CRTC1: variants seen among roughly 807,000 people sequenced by gnomAD.
CRTC1 encodes CREB-regulated transcription coactivator 1.
Under a neutral mutation model 66.1 loss-of-function variants are expected in CRTC1, and 18 were observed. That is an observed-to-expected ratio of 0.27 (90% CI 0.19 to 0.40). The LOEUF is 0.40. Among genes scored for constraint, CRTC1 ranks in the 10% least tolerant of loss-of-function variants. The pLI, the probability that CRTC1 is intolerant of heterozygous loss-of-function variation, is 1.00. For synonymous variants in CRTC1, 416 were observed against 398.8 expected, an observed-to-expected ratio of 1.04 and a Z score of -0.51; for missense variants, 669 against 887.9, an observed-to-expected ratio of 0.75 and a Z score of 3.13.
chr19:18,716,372 C>T (rs1043537912), intron 1 of CRTC1, among the ~76,000 whole-genome samples: 9 of 152,174 alleles, frequency 5.9e-5, no homozygotes, highest in Non-Finnish European at 8.8e-5. Context: ...CTGCCTCAGC[C>T]TCCCAAGTAG....
At chr19:18,716,371 C>G (rs573276907) in intron 1 of CRTC1, among the ~76,000 whole-genome samples, 12 of 152,238 alleles carry the variant, frequency 7.9e-5, no homozygotes, top group African/African-American at 2.9e-4. Context: ...TCTGCCTCAG[C>G]CTCCCAAGTA....
intron 9 of CRTC1, among the ~76,000 whole-genome samples, chr19:18,767,221 C>T (rs1323984998): frequency 6.6e-6 from 1 of 151,022 alleles, no homozygotes; most frequent in Non-Finnish European, 1.5e-5. Flanking sequence ...TTTTTTGAGA[C>T]AGAGTCTCAC....
At position 18,779,441 on chromosome 19, in the gene CRTC1, G is replaced by A; in HGVS notation, c.*2059G>A. 1 of 224,786 alleles carries A rather than the reference G, an allele frequency of 4.4e-6. No homozygotes were observed. Among genetic ancestry groups the A allele is most frequent in the Non-Finnish European group, 8.9e-6 (1 of 112,826 alleles). 13.9% of individuals were successfully genotyped at this position (224,786 alleles called of 1,614,324 possible). A position where few individuals can be genotyped will look rare whatever the true frequency, so the allele number is the denominator to read the frequency against. The stretch of plus-strand genomic sequence containing the variant: ...TTTCTCTTACCATGACAGAGGCTGG[G>A]GGCAGACAGCGGGGACTTTTTTTTT... On this transcript the variant is annotated 3_prime_UTR_variant, in exon 14 of 14. Coordinates refer to ENST00000321949, the MANE Select transcript of CRTC1 (RefSeq NM_015321.3).
chr19:18,743,556 G>T (rs1210189353), intron 2 of CRTC1, among the ~76,000 whole-genome samples: 1 of 152,216 alleles, frequency 6.6e-6, no homozygotes, highest in Non-Finnish European at 1.5e-5. Flanking sequence ...GATGGGGTGG[G>T]GCCGAGGGAG....
intron 7 of CRTC1, 104 bp from the exon 8 acceptor site, chr19:18,759,904 G>T: frequency 1.1e-6 from 1 of 878,944 alleles, no homozygotes; most frequent in Non-Finnish European, 1.8e-6. Context: ...ACCTGATGGG[G>T]GGTGGCCTTT....
chr19:18,697,492 T>C (rs953873915), intron 1 of CRTC1, among the ~76,000 whole-genome samples: 1 of 152,186 alleles, frequency 6.6e-6, no homozygotes, highest in African/African-American at 2.4e-5. Context: ...GCATTTTTGG[T>C]AGAGATGGGG....
In CRTC1 at chr19:18,760,330, CATGGGGGACAGGG is replaced by C. The variant is rs1255823325; in HGVS notation, c.886+103_886+115del. ...CAGAGTCCCGTTCCAAATACTAGGG[CATGGGGGACAGGG>C]CTGGGGGGCGGCCGACAGGCTGACC... On this transcript the variant is annotated intron_variant, in intron 8 of 13. Transcript: ENST00000321949. The surrounding 1 kb of genome is among the most constrained non-coding windows in gnomAD (Gnocchi z 6.2). 4 of 1,007,776 alleles carry C rather than the reference CATGGGGGACAGGG, an allele frequency of 4.0e-6. No individual in the cohort carries two copies. The highest frequency in any genetic ancestry group is 2.9e-6 in the Non-Finnish European group (2 of 682,144). The allele number at this position is 1,007,776 out of a possible 1,614,324, so 62.4% of individuals were successfully genotyped here.
rs767303844 is a variant in CRTC1 at position 18,705,794 on chromosome 19, AAT to A, written c.126+21969_126+21970del. Among the ~76,000 whole-genome samples, 94 of 54,214 alleles carry A rather than the reference AAT, an allele frequency of 1.7e-3. No individual in the cohort carries two copies. In the East Asian group the frequency reaches 0.047, roughly 27 times the overall value. 35.6% of individuals were successfully genotyped at this position (54,214 alleles called of 152,430 possible). A position where few individuals can be genotyped will look rare whatever the true frequency, so the allele number is the denominator to read the frequency against. Reference sequence around the variant, plus strand: ...ATGTCTACTAATATTTACTAATCCTAATATTTTTTTTTTGCAAAAAATGATAT... The same window carrying A: ...ATGTCTACTAATATTTACTAATCCTAATTTTTTTTTTGCAAAAAATGATAT... On this transcript the variant is annotated intron_variant, in intron 1 of 13. Coordinates refer to ENST00000321949, the MANE Select transcript of CRTC1 (RefSeq NM_015321.3).
In CRTC1 at chr19:18,742,903, C is replaced by T. The variant is rs373049904; in HGVS notation, c.127-7C>T. The T allele has an allele frequency of 1.2e-3, 1,886 of 1,609,844 alleles. 1 individual carries two copies. The highest frequency in any genetic ancestry group is 1.5e-3 in the Non-Finnish European group (1,726 of 1,176,730). On this transcript the variant is annotated splice_region_variant and splice_polypyrimidine_tract_variant and intron_variant, in intron 1 of 13. Transcript: ENST00000321949. ...CCCTCCCGCAGCTGCTGGCTTCTCT[C>T]TCGCAGCTCCAGCTCCAGAAATCCC...
chr19:18,739,322 T>TC (rs2054064286), intron 1 of CRTC1, among the ~76,000 whole-genome samples: 2 of 152,202 alleles, frequency 1.3e-5, no homozygotes, highest in Non-Finnish European at 2.9e-5. Flanking sequence ...AGCCGCTGGC[T>TC]CCAAGTGAGG....
At chr19:18,730,842 C>T (rs926082116) in intron 1 of CRTC1, among the ~76,000 whole-genome samples, 60 of 152,348 alleles carry the variant, frequency 3.9e-4, no homozygotes, top group African/African-American at 1.4e-3. Flanking sequence ...CTGGCTGTCT[C>T]CTCCTGGTGT....
intron 6 of CRTC1, among the ~76,000 whole-genome samples, chr19:18,759,056 C>T (rs767189659): frequency 2.6e-5 from 4 of 152,088 alleles, no homozygotes; most frequent in Non-Finnish European, 5.9e-5. Flanking sequence ...AAAAAGCAGC[C>T]GGGCGCAGTG....
At chr19:18,759,956 G>GCCAGCCCCCTGTACCCGCCA in intron 7 of CRTC1, 52 bp from the exon 8 acceptor site, 3 of 1,221,322 alleles carry the variant, frequency 2.5e-6, no homozygotes, top group Non-Finnish European at 3.5e-6. Flanking sequence ...TGTCCCCGCC[G>GCCAGCCCCCTGTACCCGCCA]CCAGCCCCGC....
At chr19:18,690,729 T>C (rs1774064523) in intron 1 of CRTC1, among the ~76,000 whole-genome samples, 1 of 152,016 alleles carries the variant, frequency 6.6e-6, no homozygotes, top group Non-Finnish European at 1.5e-5. Context: ...GGTATCCTTA[T>C]GAAGAGTGGG....
At chr19:18,762,501 G>A (rs1167136015) in intron 8 of CRTC1, among the ~76,000 whole-genome samples, 1 of 152,226 alleles carries the variant, frequency 6.6e-6, no homozygotes, top group East Asian at 1.9e-4. Context: ...CCTCAGGAAG[G>A]AAGACAGAGG....
intron 1 of CRTC1, among the ~76,000 whole-genome samples, chr19:18,684,217 C>T (rs1247168601): frequency 6.6e-6 from 1 of 151,980 alleles, no homozygotes; most frequent in Admixed American, 6.5e-5. Flanking sequence ...CTGGAAGGGA[C>T]AGGTGCCCCC....
At chr19:18,691,046 A>AAAAAT (rs774624120) in intron 1 of CRTC1, among the ~76,000 whole-genome samples, 17 of 135,950 alleles carry the variant, frequency 1.3e-4, no homozygotes, top group Non-Finnish European at 1.9e-4. Context: ...AAAAAAAAAA[A>AAAAAT]GAAGAGTGGG....
chr19:18,684,145 G>A (rs1474664955), intron 1 of CRTC1, among the ~76,000 whole-genome samples: 1 of 151,974 alleles, frequency 6.6e-6, no homozygotes, highest in Non-Finnish European at 1.5e-5. Context: ...TTACCTGACA[G>A]GGGACAGGTG....
At chr19:18,775,405 G>A (rs1292888785) in intron 12 of CRTC1, among the ~76,000 whole-genome samples, 1 of 152,210 alleles carries the variant, frequency 6.6e-6, no homozygotes, top group Admixed American at 6.5e-5. Context: ...GCAGCCTGGA[G>A]CTGCTCACTC....
Sources: gnomAD v4.1 joint callset for allele counts (sites outside exome capture counted in the v4.1 genomes callset) on GRCh38, gnomAD v4.1.1 for gene constraint, Gnocchi (gnomAD v3.1) non-coding constraint, MANE v1.5 for transcripts, NCBI Gene and HGNC (gene_info 2026-07-23, HGNC 2026-07-21) for gene names.